The following ACOT7 variants were observed in gnomAD, a reference collection of about 807,000 sequenced individuals.
ACOT7 encodes acyl-CoA thioesterase 7, also known as cytosolic acyl coenzyme A thioester hydrolase.
In ACOT7, 12 loss-of-function variants were observed where a neutral mutation model predicts 40.2. That is an observed-to-expected ratio of 0.30 (90% CI 0.19 to 0.48). The LOEUF (loss-of-function observed/expected upper bound fraction) is 0.48. Ranked by LOEUF, ACOT7 falls within the 20% of genes least tolerant of loss-of-function variation. ACOT7 has a pLI of 0.99. For missense variants in ACOT7, 395 were observed against 530.8 expected (o/e 0.74, Z 2.51); for synonymous variants, 228 against 219.5 (o/e 1.04, Z -0.34).
In ACOT7 at chr1:6,341,706, C is replaced by T. The variant is rs34988316; in HGVS notation, c.262-2117G>A. ...GCAGTGAGCCAAGATCGCACCACTG[C>T]GCTCCAGCCTGGGCGACAGAGCGAG... On this transcript the variant is annotated intron_variant, in intron 2 of 8. Transcript: ENST00000361521. Among the ~76,000 whole-genome samples, 1,309 of 152,212 alleles carry T rather than the reference C, an allele frequency of 8.6e-3. 8 individuals carry two copies. Among genetic ancestry groups the T allele is most frequent in the Non-Finnish European group, 0.013 (870 of 68,016 alleles).
In ACOT7 at chr1:6,294,955, CT is replaced by C. The variant is rs1639770983; in HGVS notation, c.737del (p.Glu246GlyfsTer41). On this transcript the variant is annotated frameshift_variant, in exon 7 of 9. Transcript: ENST00000361521. LOFTEE classifies it high-confidence loss of function. The surrounding 1 kb of genome is among the most constrained non-coding windows in gnomAD (Gnocchi z 4.6). ...GGCGTGCAGCCACGATCCCGGCGAC[CT>C]CATCCATGAGCTTCATGGTCACACC... The part of the protein sequence containing the change: ...HGGVTMKLMD[E>X]VAGIVAARHC... 1 of 1,613,878 alleles carries C rather than the reference CT, an allele frequency of 6.2e-7. No individual in the cohort carries two copies. Among genetic ancestry groups the C allele is most frequent in the Non-Finnish European group, 8.5e-7 (1 of 1,179,960 alleles).
intron 4 of ACOT7, among the ~76,000 whole-genome samples, chr1:6,332,814 C>T (rs1263127054): frequency 2.0e-5 from 3 of 148,858 alleles, no homozygotes; most frequent in Non-Finnish European, 4.4e-5. Context: ...GAGCAAGATT[C>T]CGTCTCAAAA....
chr1:6,339,359 T>C, intron 3 of ACOT7, 74 bp downstream of exon 3: 1 of 1,601,484 alleles, frequency 6.2e-7, no homozygotes, highest in Admixed American at 1.7e-5. Context: ...GAGCGTCCTC[T>C]GCCCTCAGGA....
Position 6,306,210 on chromosome 1 carries a change from G to A in ACOT7, c.713-11230C>T, listed in dbSNP as rs1276995365. ...GAGGGAGAGGGAGACCGTGGGGAGA[G>A]GGGGAGGGGGAGGGGGAGAGGGAGA... On this transcript the variant is annotated intron_variant, in intron 6 of 8. Transcript: ENST00000361521. The surrounding 1 kb of genome is among the most constrained non-coding windows in gnomAD (Gnocchi z 4.3). The A allele has an allele frequency of 1.1e-6, 1 of 939,986 alleles. No homozygotes were observed. Among genetic ancestry groups the A allele is most frequent in the Non-Finnish European group, 1.3e-6 (1 of 793,020 alleles). The allele number at this position is 939,986 out of a possible 1,614,324, so 58.2% of individuals were successfully genotyped here. A position where few individuals can be genotyped will look rare whatever the true frequency, so the allele number is the denominator to read the frequency against.
At chr1:6,357,092 C>G (rs1641766376) in intron 1 of ACOT7, among the ~76,000 whole-genome samples, 1 of 151,912 alleles carries the variant, frequency 6.6e-6, no homozygotes, top group Admixed American at 6.6e-5. Context: ...ACAAAATTAG[C>G]CAACCATGGT....
At position 6,338,625 on chromosome 1, in the gene ACOT7, T is replaced by C. The variant is rs1208425337; in HGVS notation, c.418+808A>G. ...AATCGTGCTTGCTACCGGCCCGTCA[T>C]GAGGAAGAGGACTCAAGCCCCTCAA... On this transcript the variant is annotated intron_variant, in intron 3 of 8. Coordinates refer to ENST00000361521, the MANE Select transcript of ACOT7 (RefSeq NM_007274.4). The surrounding 1 kb of genome is among the most constrained non-coding windows in gnomAD (Gnocchi z 4.4). Among the ~76,000 whole-genome samples the C allele has an allele frequency of 6.6e-6, 1 of 152,124 alleles. No individual in the cohort carries two copies. Among genetic ancestry groups the C allele is most frequent in the Non-Finnish European group, 1.5e-5 (1 of 68,018 alleles).
At chr1:6,345,762 T>C (rs1641402779) in intron 2 of ACOT7, among the ~76,000 whole-genome samples, 1 of 152,192 alleles carries the variant, frequency 6.6e-6, no homozygotes, top group Non-Finnish European at 1.5e-5. Flanking sequence ...AGGCCTCAGT[T>C]TCCCCACTTG....
intron 1 of ACOT7, among the ~76,000 whole-genome samples, chr1:6,378,574 TAGC>T (rs1642279021): frequency 1.3e-5 from 2 of 151,900 alleles, no homozygotes; most frequent in South Asian, 4.1e-4. Context: ...TGACCTGCCA[TAGC>T]TGAACCTCCA....
In ACOT7 at chr1:6,385,280, TC is replaced by T. The variant is rs1367454188; in HGVS notation, c.143+7976del. On this transcript the variant is annotated intron_variant, in intron 1 of 8. Transcript: ENST00000361521. ...ACCTCCTCCAACAAAGCCCGGGTGT[TC>T]CGCTCGTCCCTAGGGGAAGAACATG... Among the ~76,000 whole-genome samples, 2 of 151,688 alleles carry T rather than the reference TC, an allele frequency of 1.3e-5. 1 individual carries two copies. The highest frequency in any genetic ancestry group is 2.9e-5 in the Non-Finnish European group (2 of 67,828).
intron 1 of ACOT7, among the ~76,000 whole-genome samples, chr1:6,357,143 A>G (rs1641768259): frequency 6.6e-6 from 1 of 152,150 alleles, no homozygotes; most frequent in African/African-American, 2.4e-5. Flanking sequence ...AGGCTGAGGC[A>G]GGAGAATCGC....
chr1:6,297,019 G>A (rs1267964778), intron 6 of ACOT7, among the ~76,000 whole-genome samples: 1 of 152,096 alleles, frequency 6.6e-6, no homozygotes, highest in African/African-American at 2.4e-5. Flanking sequence ...AGAAAGTTAT[G>A]TACATTCACC....
chr1:6,385,586 T>C, intron 1 of ACOT7: 1 of 1,611,990 alleles, frequency 6.2e-7, no homozygotes, highest in Non-Finnish European at 8.5e-7. Flanking sequence ...GCCCCACACA[T>C]CCCTGGCCAG....
At chr1:6,362,787 C>T (rs1222471856) in intron 1 of ACOT7, among the ~76,000 whole-genome samples, 5 of 152,102 alleles carry the variant, frequency 3.3e-5, no homozygotes, top group Admixed American at 6.6e-5. Flanking sequence ...CGGTCGTGCA[C>T]GCCTGTAATC....
At chr1:6,315,254 G>A (rs751646262) in intron 6 of ACOT7, among the ~76,000 whole-genome samples, 14 of 152,196 alleles carry the variant, frequency 9.2e-5, no homozygotes, top group Non-Finnish European at 1.9e-4. Flanking sequence ...ACAGAATAAA[G>A]GCTAAATTGG....
At chr1:6,385,255 A>C (rs1428921764) in intron 1 of ACOT7, among the ~76,000 whole-genome samples, 1 of 151,524 alleles carries the variant, frequency 6.6e-6, no homozygotes, top group East Asian at 1.9e-4. Context: ...TTGCCAGGTC[A>C]CCTCCTCCAA....
Position 6,264,638 on chromosome 1 carries a change from T to G in ACOT7, c.1072A>C (p.Met358Leu). 1 of 1,613,426 alleles carries G rather than the reference T, an allele frequency of 6.2e-7. No individual in the cohort carries two copies. The highest frequency in any genetic ancestry group is 8.5e-7 in the Non-Finnish European group (1 of 1,179,964). ...FEEGKGRYLQ[M>L]KAKRQGHAEP... ...GCGTGGCCCTGTCGCTTCGCCTTCA[T>G]CTGCAGGTACCGCCCTTTGCCTTCC... is the stretch of plus-strand genomic sequence containing the variant. The change falls in exon 9 of 9, where the codon ATG becomes CTG. Residue 358 changes from methionine to leucine, a missense_variant. Transcript: ENST00000361521.
chr1:6,278,281 G>A lies in ACOT7; in HGVS notation c.1014+2821C>T, dbSNP rs985318941. On this transcript the variant is annotated intron_variant, in intron 8 of 8. Transcript: ENST00000361521. The surrounding 1 kb of genome is among the most constrained non-coding windows in gnomAD (Gnocchi z 4.1). The stretch of plus-strand genomic sequence containing the variant: ...CTGCACCCACACCCAGGGCATGGAG[G>A]AGCCACCGTGCATTTCGGTGGGAGA... 3.9e-5 allele frequency among the ~76,000 whole-genome samples: 6 copies of A among 152,160 alleles called. No individual in the cohort carries two copies. Among genetic ancestry groups the A allele is most frequent in the African/African-American group, 1.4e-4 (6 of 41,434 alleles).
chr1:6,348,834 C>T (rs1195332807), intron 2 of ACOT7, among the ~76,000 whole-genome samples: 1 of 152,198 alleles, frequency 6.6e-6, no homozygotes, highest in Non-Finnish European at 1.5e-5. Flanking sequence ...ACAGTGCCTC[C>T]GCTGGTCCCT....
At chr1:6,379,203 G>A (rs977199814) in intron 1 of ACOT7, among the ~76,000 whole-genome samples, 39 of 151,722 alleles carry the variant, frequency 2.6e-4, no homozygotes, top group African/African-American at 9.2e-4. Context: ...CTGCTCAAGG[G>A]CTTTCTGTTT....
Sources: allele counts gnomAD v4.1 joint callset (sites outside exome capture counted in the v4.1 genomes callset), GRCh38; gene constraint gnomAD v4.1.1; non-coding constraint Gnocchi (gnomAD v3.1); transcripts MANE v1.5; gene names NCBI Gene and HGNC (gene_info 2026-07-23, HGNC 2026-07-21).